SYTL5: variants seen among roughly 807,000 people sequenced by gnomAD.
SYTL5 encodes the protein synaptotagmin-like protein 5.
In SYTL5, 34 loss-of-function variants were observed where a neutral mutation model predicts 55.9. That is an observed-to-expected ratio of 0.61 (90% CI 0.46 to 0.81). The LOEUF (loss-of-function observed/expected upper bound fraction) is 0.81, where lower values mean the gene tolerates loss of function less well. Among genes scored for constraint, SYTL5 ranks in the 30% least tolerant of loss-of-function variants. The probability of loss-of-function intolerance (pLI) is 0.00; values close to 1 mark genes in which losing one functional copy is unlikely to be tolerated. For synonymous variants in SYTL5, 221 were observed against 188.7 expected, an observed-to-expected ratio of 1.17 and a Z score of -1.40; for missense variants, 637 against 546.7, an observed-to-expected ratio of 1.17 and a Z score of -1.65.
intron 3 of SYTL5, among the ~76,000 whole-genome samples, chrX:38,063,732 C>T (rs1936017996): frequency 1.8e-5 from 2 of 111,716 alleles, no homozygotes; most frequent in South Asian, 7.4e-4. Context: ...CATCCATGTT[C>T]GTGTGAATAA....
At chrX:37,900,419 A>G in the SYTL5 span, among the ~76,000 whole-genome samples, 1 of 112,239 alleles carries the variant, frequency 8.9e-6, no homozygotes, top group African/African-American at 3.2e-5. Flanking sequence ...AAAATTAAGC[A>G]GGAATAAGGG....
chrX:37,982,495 A>G, the SYTL5 span, among the ~76,000 whole-genome samples: 1 of 112,721 alleles, frequency 8.9e-6, no homozygotes, highest in Non-Finnish European at 1.9e-5. Flanking sequence ...TAAGTAAGAT[A>G]AACAGAGCAC....
the SYTL5 span, among the ~76,000 whole-genome samples, chrX:37,921,154 A>G: frequency 9.0e-6 from 1 of 111,590 alleles, no homozygotes. Flanking sequence ...AAGTGCCATT[A>G]TTATTCCAAT....
the SYTL5 span, among the ~76,000 whole-genome samples, chrX:37,891,026 G>A: frequency 2.7e-5 from 3 of 111,790 alleles, no homozygotes; most frequent in East Asian, 8.4e-4. Flanking sequence ...AAATAAAAAT[G>A]TAAAAAGTAG....
chrX:37,928,358 C>T, the SYTL5 span, among the ~76,000 whole-genome samples: 9 of 111,797 alleles, frequency 8.1e-5, no homozygotes, highest in Non-Finnish European at 1.7e-4. Flanking sequence ...ACCCTCACAC[C>T]GGGGGTCAGC....
intron 9 of SYTL5, among the ~76,000 whole-genome samples, chrX:38,100,937 C>A (rs757041083): frequency 9.1e-6 from 1 of 110,434 alleles, no homozygotes; most frequent in African/African-American, 3.3e-5. Context: ...CTGAAAATAA[C>A]CCAAATATTC....
At chrX:37,920,006 G>A in the SYTL5 span, among the ~76,000 whole-genome samples, 3 of 111,450 alleles carry the variant, frequency 2.7e-5, no homozygotes, top group Non-Finnish European at 5.7e-5. Flanking sequence ...ATATATATAT[G>A]CTTCTGAAGA....
intron 14 of SYTL5, 50 bp from the exon 15 acceptor site, chrX:38,122,030 A>ATTTTTTTTT: frequency 1.9e-6 from 2 of 1,054,781 alleles, no homozygotes; most frequent in South Asian, 2.7e-5. Context: ...TGATTTATCT[A>ATTTTTTTTT]TTTTTTTTTC....
intron 3 of SYTL5, among the ~76,000 whole-genome samples, chrX:38,069,506 T>C (rs1164842759): frequency 8.9e-6 from 1 of 112,090 alleles, no homozygotes; most frequent in Non-Finnish European, 1.9e-5. Context: ...CATTCTTAGC[T>C]CATAGAGGTC....
At chrX:38,126,504 G>A in intron 16 of SYTL5, 84 bp from the exon 17 acceptor site, 2 of 1,018,619 alleles carry the variant, frequency 2.0e-6, no homozygotes, top group African/African-American at 1.9e-5. Flanking sequence ...TGGTGAAAAG[G>A]CCTGCTCAGA....
the SYTL5 span, among the ~76,000 whole-genome samples, chrX:37,965,671 G>A: frequency 6.3e-5 from 7 of 111,494 alleles, no homozygotes; most frequent in East Asian, 5.6e-4. Context: ...TGATTTTTTC[G>A]TTTGGATATT....
the SYTL5 span, among the ~76,000 whole-genome samples, chrX:37,978,761 A>T: frequency 9.0e-6 from 1 of 111,450 alleles, no homozygotes; most frequent in East Asian, 2.8e-4. Context: ...AGAACAAAAT[A>T]ACCTAGAAAA....
At chrX:37,952,028 T>C in the SYTL5 span, among the ~76,000 whole-genome samples, 1 of 110,632 alleles carries the variant, frequency 9.0e-6, no homozygotes, top group Non-Finnish European at 1.9e-5. Context: ...ATTCAAGAAA[T>C]GTTTGGAATA....
chrX:38,048,933 T>A lies in SYTL5; in HGVS notation c.120-5280T>A, dbSNP rs752033241. Among the ~76,000 whole-genome samples, 51 of 111,755 alleles carry A rather than the reference T, an allele frequency of 4.6e-4. 1 individual carries two copies. The highest frequency in any genetic ancestry group is 8.5e-4 in the Non-Finnish European group (45 of 53,149). ...AGCTACAGCACAAATGAAAGCATAA[T>A]TTTTTTTATATTCAGAGTACAGAAA... On this transcript the variant is annotated intron_variant, in intron 2 of 16. Coordinates refer to ENST00000297875, the MANE Select transcript of SYTL5 (RefSeq NM_138780.3).
chrX:37,928,446 T>C, the SYTL5 span, among the ~76,000 whole-genome samples: 2 of 111,191 alleles, frequency 1.8e-5, no homozygotes, highest in African/African-American at 3.3e-5. Flanking sequence ...CAGTTACAGA[T>C]TGTCTATGGG....
Position 38,012,139 on chromosome X carries a change from A to G in SYTL5, c.-357+5471A>G, listed in dbSNP as rs185335430. The stretch of plus-strand genomic sequence containing the variant: ...AATATTTCTAACAGAATGCCAGGAA[A>G]CACTCTGTTCCTACAATAAGAACAT... On this transcript the variant is annotated intron_variant, in intron 1 of 16. Transcript: ENST00000297875. 7.1e-4 allele frequency among the ~76,000 whole-genome samples: 80 copies of G among 112,264 alleles called. 1 individual carries two copies. The highest frequency in any genetic ancestry group is 2.4e-3 in the African/African-American group (75 of 30,913).
At chrX:37,956,454 C>A in the SYTL5 span, among the ~76,000 whole-genome samples, 1 of 112,163 alleles carries the variant, frequency 8.9e-6, no homozygotes, top group South Asian at 3.7e-4. Context: ...CCCATTTCCC[C>A]CTGCCAGTCC....
chrX:37,966,230 C>T, the SYTL5 span, among the ~76,000 whole-genome samples: 7 of 109,490 alleles, frequency 6.4e-5, no homozygotes, highest in Middle Eastern at 4.7e-3. Flanking sequence ...TGTATTGATC[C>T]GCTTTGATTC....
At chrX:37,888,942 A>C in the SYTL5 span, among the ~76,000 whole-genome samples, 1 of 110,797 alleles carries the variant, frequency 9.0e-6, no homozygotes, top group Non-Finnish European at 1.9e-5. Context: ...AAAAAAAAAA[A>C]AAAAAAGATA....
Sources: gnomAD v4.1 joint callset for allele counts (sites outside exome capture counted in the v4.1 genomes callset) on GRCh38, gnomAD v4.1.1 for gene constraint, MANE v1.5 for transcripts, NCBI Gene and HGNC (gene_info 2026-07-23, HGNC 2026-07-21) for gene names.